NALF1: variants seen among roughly 807,000 people sequenced by gnomAD.
NALF1 encodes the protein NALCN channel auxiliary factor 1.
In NALF1, 3 loss-of-function variants were observed where a neutral mutation model predicts 48.4. The observed-to-expected ratio is 0.06, with a 90% CI of 0.03 to 0.16. The LOEUF (loss-of-function observed/expected upper bound fraction) is 0.16, where lower values mean the gene tolerates loss of function less well. Among genes scored for constraint, NALF1 ranks in the 10% least tolerant of loss-of-function variants. The pLI, the probability that NALF1 is intolerant of heterozygous loss-of-function variation, is 1.00. For missense variants in NALF1, 526 were observed against 571.5 expected, an observed-to-expected ratio of 0.92 and a Z score of 0.81; for synonymous variants, 262 against 245.7, an observed-to-expected ratio of 1.07 and a Z score of -0.62.
Position 107,500,648 on chromosome 13 carries a change from T to C in NALF1, c.916-289893A>G, listed in dbSNP as rs534843675. Reference sequence around the variant, plus strand: ...TAAATCATGCTGCTATAAAGACACATGCACACGTATGTTTATTGTGGCACT... The same window carrying C: ...TAAATCATGCTGCTATAAAGACACACGCACACGTATGTTTATTGTGGCACT... On this transcript the variant is annotated intron_variant, in intron 1 of 2. Coordinates refer to ENST00000375915, the MANE Select transcript of NALF1 (RefSeq NM_001080396.3). 5.7e-4 allele frequency among the ~76,000 whole-genome samples: 86 copies of C among 151,112 alleles called. 1 individual carries two copies. Among genetic ancestry groups the C allele is most frequent in the Middle Eastern group, 3.4e-3 (1 of 294 alleles).
At chr13:107,533,260 G>A (rs79245239) in intron 1 of NALF1, among the ~76,000 whole-genome samples, 7 of 152,132 alleles carry the variant, frequency 4.6e-5, no homozygotes, top group Admixed American at 6.6e-5. Context: ...CTATAATTAC[G>A]TGAGTGTAGG....
At chr13:107,436,108 A>T (rs1200525982) in intron 1 of NALF1, among the ~76,000 whole-genome samples, 1 of 152,220 alleles carries the variant, frequency 6.6e-6, no homozygotes, top group Non-Finnish European at 1.5e-5. Context: ...TTAGCCAGTG[A>T]ATTTTGTGCA....
chr13:107,866,789 C>T lies in NALF1; in HGVS notation c.-193G>A. The stretch of plus-strand genomic sequence containing the variant: ...CTCTCTCCCTCTCCCTCTCTTTTAT[C>T]TCTCTCTGTCTCTTTTGCCTACATA... On this transcript the variant is annotated 5_prime_UTR_variant, in exon 1 of 3. Coordinates refer to ENST00000375915, the MANE Select transcript of NALF1 (RefSeq NM_001080396.3). The surrounding 1 kb of genome is among the most constrained non-coding windows in gnomAD (Gnocchi z 4.4). 1 of 593,620 alleles carries T rather than the reference C, an allele frequency of 1.7e-6. No individual in the cohort carries two copies. 36.8% of individuals were successfully genotyped at this position (593,620 alleles called of 1,614,324 possible). A position where few individuals can be genotyped will look rare whatever the true frequency, so the allele number is the denominator to read the frequency against.
intron 1 of NALF1, among the ~76,000 whole-genome samples, chr13:107,527,450 T>G (rs1342353435): frequency 6.6e-6 from 1 of 151,904 alleles, no homozygotes; most frequent in African/African-American, 2.4e-5. Context: ...GTAAAACGTT[T>G]TAATTACGCA....
chr13:107,514,068 C>A (rs557374571), intron 1 of NALF1, among the ~76,000 whole-genome samples: 18 of 152,160 alleles, frequency 1.2e-4, no homozygotes, highest in Non-Finnish European at 2.1e-4. Flanking sequence ...GACTCAGAGT[C>A]CTTTTCCTTT....
At chr13:107,365,782 A>G (rs1398482994) in intron 1 of NALF1, among the ~76,000 whole-genome samples, 2 of 152,188 alleles carry the variant, frequency 1.3e-5, no homozygotes. Flanking sequence ...AGATCTTCTG[A>G]GCTACAACAT....
chr13:107,701,297 A>G (rs2138511664), intron 1 of NALF1, among the ~76,000 whole-genome samples: 1 of 152,312 alleles, frequency 6.6e-6, no homozygotes, highest in East Asian at 1.9e-4. Context: ...ATGAAATACT[A>G]TTCAGCTTTT....
At chr13:107,342,574 A>G (rs1217694071) in intron 1 of NALF1, among the ~76,000 whole-genome samples, 1 of 152,192 alleles carries the variant, frequency 6.6e-6, no homozygotes, top group African/African-American at 2.4e-5. Flanking sequence ...ACAAATACAC[A>G]GCATATGCAG....
intron 1 of NALF1, among the ~76,000 whole-genome samples, chr13:107,648,133 T>G (rs1160722093): frequency 1.3e-5 from 2 of 152,144 alleles, no homozygotes; most frequent in African/African-American, 4.8e-5. Context: ...ATCTCCCTTG[T>G]TGTCATCTCA....
intron 1 of NALF1, among the ~76,000 whole-genome samples, chr13:107,220,660 G>C (rs1322284666): frequency 6.6e-6 from 1 of 152,150 alleles, no homozygotes; most frequent in Non-Finnish European, 1.5e-5. Flanking sequence ...ATTTTCCCTG[G>C]CATCAGAAAT....
At chr13:107,773,599 C>A (rs372563697) in intron 1 of NALF1, among the ~76,000 whole-genome samples, 1 of 151,310 alleles carries the variant, frequency 6.6e-6, no homozygotes. Flanking sequence ...CAACAGTATG[C>A]GTTTTTAGGC....
intron 1 of NALF1, among the ~76,000 whole-genome samples, chr13:107,832,762 C>T (rs374824334): frequency 6.6e-6 from 1 of 152,290 alleles, no homozygotes; most frequent in East Asian, 1.9e-4. Flanking sequence ...TCCTCTGTCT[C>T]GCTAATTACA....
intron 1 of NALF1, among the ~76,000 whole-genome samples, chr13:107,637,116 T>C (rs894393732): frequency 3.3e-5 from 5 of 151,942 alleles, no homozygotes; most frequent in Non-Finnish European, 7.4e-5. Flanking sequence ...AGGTGTATCA[T>C]AGATTATAAC....
chr13:107,688,103 T>C (rs1332661273), intron 1 of NALF1, among the ~76,000 whole-genome samples: 3 of 152,232 alleles, frequency 2.0e-5, no homozygotes, highest in African/African-American at 7.2e-5. Context: ...CATTGCCTTA[T>C]ATGTGGTAAA....
chr13:107,743,491 G>C (rs1200187819), intron 1 of NALF1, among the ~76,000 whole-genome samples: 1 of 152,224 alleles, frequency 6.6e-6, no homozygotes, highest in Admixed American at 6.5e-5. Context: ...CAAAGCAAGG[G>C]CTGTGGAAAC....
At chr13:107,742,410 G>T (rs1354697339) in intron 1 of NALF1, among the ~76,000 whole-genome samples, 1 of 152,172 alleles carries the variant, frequency 6.6e-6, no homozygotes, top group African/African-American at 2.4e-5. Flanking sequence ...CCCAGGAGGG[G>T]ATAATTGAAT....
chr13:107,474,573 C>CACAT (rs928546903), intron 1 of NALF1, among the ~76,000 whole-genome samples: 3 of 152,076 alleles, frequency 2.0e-5, no homozygotes, highest in East Asian at 1.9e-4. Flanking sequence ...GAGAAAAATA[C>CACAT]ACATACATAC....
At chr13:107,189,355 G>A (rs2138782785) in intron 2 of NALF1, among the ~76,000 whole-genome samples, 1 of 152,184 alleles carries the variant, frequency 6.6e-6, no homozygotes, top group South Asian at 2.1e-4. Flanking sequence ...TATGAAAAAT[G>A]TATTCTAAGA....
At chr13:107,584,029 T>C (rs768089817) in intron 1 of NALF1, among the ~76,000 whole-genome samples, 1 of 152,082 alleles carries the variant, frequency 6.6e-6, no homozygotes, top group South Asian at 2.1e-4. Context: ...TCCAGGACTT[T>C]AGGTGAAATT....
Sources: gnomAD v4.1 joint callset for allele counts (sites outside exome capture counted in the v4.1 genomes callset) on GRCh38, gnomAD v4.1.1 for gene constraint, Gnocchi (gnomAD v3.1) non-coding constraint, MANE v1.5 for transcripts, NCBI Gene and HGNC (gene_info 2026-07-23, HGNC 2026-07-21) for gene names.